Variants in LCOR observed in about 807,000 individuals in gnomAD.
The protein encoded by LCOR is ligand dependent nuclear receptor corepressor.
In LCOR, 14 loss-of-function variants were observed where a neutral mutation model predicts 64.4. That is an observed-to-expected ratio of 0.22 (90% CI 0.14 to 0.34). The LOEUF (loss-of-function observed/expected upper bound fraction) is 0.34. LCOR is among the 10% of genes least tolerant of loss of function. LCOR has a pLI of 1.00. For synonymous variants in LCOR, 643 were observed against 642.5 expected (o/e 1.00, Z -0.01); for missense variants, 1,686 against 1,765.3 (o/e 0.96, Z 0.80).
intron 2 of LCOR, among the ~76,000 whole-genome samples, chr10:96,843,212 A>G (rs1050007152): frequency 1.3e-5 from 2 of 151,412 alleles, no homozygotes; most frequent in Non-Finnish European, 2.9e-5. Flanking sequence ...GTAAACTCAA[A>G]CTCCTGGGGT....
chr10:96,957,020 T>C (rs1228843203), intron 7 of LCOR: 2 of 985,192 alleles, frequency 2.0e-6, no homozygotes, highest in Non-Finnish European at 2.4e-6. Flanking sequence ...GGATCCATGT[T>C]TGTAGTGAGA....
chr10:96,853,169 A>G (rs1845748913), intron 2 of LCOR, among the ~76,000 whole-genome samples: 1 of 152,116 alleles, frequency 6.6e-6, no homozygotes, highest in Admixed American at 6.5e-5. Flanking sequence ...CTCCTGCCTC[A>G]GTCTCCTGAG....
Position 96,907,257 on chromosome 10 carries a change from C to A in LCOR, c.-329-8C>A. 1 of 957,942 alleles carries A rather than the reference C, an allele frequency of 1.0e-6. No individual in the cohort carries two copies. Among genetic ancestry groups the A allele is most frequent in the Non-Finnish European group, 1.2e-6 (1 of 804,808 alleles). The allele number at this position is 957,942 out of a possible 1,614,324, so 59.3% of individuals were successfully genotyped here. ...TTGTGGTAATGGATTTTGTTTTTAT[C>A]CTTTCAGGGTTTGAAAGTATTCTTG... is the stretch of plus-strand genomic sequence containing the variant. On this transcript the variant is annotated splice_polypyrimidine_tract_variant and splice_region_variant and intron_variant, in intron 2 of 7. Transcript: ENST00000421806.
At chr10:96,886,717 C>T (rs1014678542) in intron 2 of LCOR, among the ~76,000 whole-genome samples, 1 of 152,170 alleles carries the variant, frequency 6.6e-6, no homozygotes, top group African/African-American at 2.4e-5. Context: ...TTTGTCTAAT[C>T]TTTAATGCCA....
At chr10:96,874,338 A>G (rs1846128096) in intron 2 of LCOR, among the ~76,000 whole-genome samples, 1 of 152,218 alleles carries the variant, frequency 6.6e-6, no homozygotes, top group African/African-American at 2.4e-5. Flanking sequence ...TTTCTAAAAC[A>G]TGCCATTATC....
intron 2 of LCOR, among the ~76,000 whole-genome samples, chr10:96,906,308 G>C (rs376583425): frequency 7.9e-5 from 12 of 152,234 alleles, no homozygotes; most frequent in African/African-American, 2.4e-4. Flanking sequence ...TTTCGAGGCC[G>C]CACTGAGAGT....
chr10:96,917,569 T>C, intron 4 of LCOR, among the ~76,000 whole-genome samples: 1 of 152,272 alleles, frequency 6.6e-6, no homozygotes, highest in East Asian at 1.9e-4. Context: ...AATCTAGAAG[T>C]TAGAACTCAA....
chr10:96,881,388 T>A (rs1183729681), intron 2 of LCOR, among the ~76,000 whole-genome samples: 2 of 152,186 alleles, frequency 1.3e-5, no homozygotes, highest in Non-Finnish European at 1.5e-5. Flanking sequence ...TAATATATGC[T>A]GTTGCTATGT....
At chr10:96,934,125 T>C (rs927463171) in intron 4 of LCOR, among the ~76,000 whole-genome samples, 3 of 152,214 alleles carry the variant, frequency 2.0e-5, no homozygotes, top group African/African-American at 4.8e-5. Flanking sequence ...AATAAAGTTA[T>C]CTTTAAAGTA....
At chr10:96,834,277 C>A (rs1039229281) in intron 2 of LCOR, among the ~76,000 whole-genome samples, 2 of 152,148 alleles carry the variant, frequency 1.3e-5, no homozygotes, top group African/African-American at 4.8e-5. Context: ...CAAACATATG[C>A]TTGTGCAAAT....
intron 4 of LCOR, among the ~76,000 whole-genome samples, chr10:96,916,587 C>CCATATATATATATATATATA (rs375266535): frequency 1.3e-4 from 18 of 138,246 alleles, no homozygotes; most frequent in African/African-American, 4.7e-4. Flanking sequence ...TATTTAAAGG[C>CCATATATATATATATATATA]TATATATATA....
At chr10:96,952,236 G>A (rs1454659873) in intron 7 of LCOR, 40 bp downstream of exon 7, 1 of 1,385,670 alleles carries the variant, frequency 7.2e-7, no homozygotes, top group Non-Finnish European at 1.0e-6. Flanking sequence ...GTTTCATATA[G>A]ATAATTCATC....
At chr10:96,956,329 C>CA (rs1409766361) in intron 7 of LCOR, 2 of 990,884 alleles carry the variant, frequency 2.0e-6, no homozygotes, top group Non-Finnish European at 2.4e-6. Flanking sequence ...CTACGTCTGT[C>CA]ATACTGGGAG....
At chr10:96,910,181 T>C (rs906646310) in intron 4 of LCOR, among the ~76,000 whole-genome samples, 1 of 152,188 alleles carries the variant, frequency 6.6e-6, no homozygotes, top group Non-Finnish European at 1.5e-5. Flanking sequence ...TACAGGTACA[T>C]GCCACCATAC....
chr10:96,970,037 C>T (rs144488753), intron 7 of LCOR, among the ~76,000 whole-genome samples: 7,259 of 149,100 alleles, frequency 0.049, 627 homozygotes, highest in African/African-American at 0.17. Flanking sequence ...ATGATCCGCC[C>T]GCCTCAGCCT....
intron 2 of LCOR, among the ~76,000 whole-genome samples, chr10:96,851,884 T>C (rs1173208839): frequency 6.6e-6 from 1 of 152,220 alleles, no homozygotes; most frequent in Non-Finnish European, 1.5e-5. Flanking sequence ...AAACACATTA[T>C]TTTCTCACGT....
intron 2 of LCOR, among the ~76,000 whole-genome samples, chr10:96,838,796 A>G (rs193074772): frequency 5.8e-4 from 88 of 152,334 alleles, no homozygotes; most frequent in African/African-American, 2.1e-3. Context: ...ATATTTGTGT[A>G]CAAGTTTTTG....
chr10:96,848,882 T>G (rs1845676789), intron 2 of LCOR, among the ~76,000 whole-genome samples: 1 of 152,094 alleles, frequency 6.6e-6, no homozygotes, highest in Admixed American at 6.5e-5. Context: ...CTTCCTCATT[T>G]AATATATTTC....
At chr10:96,924,484 C>T (rs1256796894) in intron 4 of LCOR, among the ~76,000 whole-genome samples, 1 of 151,782 alleles carries the variant, frequency 6.6e-6, no homozygotes, top group Non-Finnish European at 1.5e-5. Flanking sequence ...TCAAGTGATC[C>T]ACCCGCCTCA....
Sources: allele counts gnomAD v4.1 joint callset (sites outside exome capture counted in the v4.1 genomes callset), GRCh38; gene constraint gnomAD v4.1.1; transcripts MANE v1.5; gene names NCBI Gene and HGNC (gene_info 2026-07-23, HGNC 2026-07-21).